TNR: variants seen among roughly 807,000 people sequenced by gnomAD.
TNR encodes the protein tenascin-R.
TNR carries 45 observed loss-of-function variants against 150.4 expected under a neutral mutation model. That is an observed-to-expected ratio of 0.30 (90% CI 0.24 to 0.38). The LOEUF is 0.38. Ranked by LOEUF, TNR falls within the 10% of genes least tolerant of loss-of-function variation. The pLI is 1.00. For synonymous variants in TNR, 687 were observed against 678.4 expected (o/e 1.01, Z -0.20); for missense variants, 1,544 against 1,759.1 (o/e 0.88, Z 2.19).
At chr1:175,540,605 C>A (rs1487855419) in intron 1 of TNR, among the ~76,000 whole-genome samples, 1 of 152,174 alleles carries the variant, frequency 6.6e-6, no homozygotes, top group Admixed American at 6.5e-5. Context: ...CCCAGCTCAT[C>A]TTTGAAAGAG....
chr1:175,555,010 A>T (rs7538872), intron 1 of TNR, among the ~76,000 whole-genome samples: 77,554 of 151,988 alleles, frequency 0.51, 20,198 homozygotes, highest in East Asian at 0.67. Context: ...TTTATCCTCC[A>T]TGTGATGATT....
chr1:175,713,777 G>A (rs868193906), intron 1 of TNR, among the ~76,000 whole-genome samples: 7 of 152,180 alleles, frequency 4.6e-5, no homozygotes, highest in Admixed American at 2.6e-4. Context: ...ATGAGAGAAG[G>A]AGGAGAGAGC....
chr1:175,493,094 G>A (rs1223082609), intron 2 of TNR, among the ~76,000 whole-genome samples: 3 of 152,044 alleles, frequency 2.0e-5, no homozygotes. Context: ...GAAGGCAGGT[G>A]TCATTTCCTC....
At chr1:175,739,869 G>A (rs1667876711) in intron 1 of TNR, among the ~76,000 whole-genome samples, 1 of 152,120 alleles carries the variant, frequency 6.6e-6, no homozygotes, top group Non-Finnish European at 1.5e-5. Context: ...GCCCAGATGG[G>A]GAGACATGAC....
At chr1:175,674,183 T>C (rs555813745) in intron 1 of TNR, among the ~76,000 whole-genome samples, 1 of 151,474 alleles carries the variant, frequency 6.6e-6, no homozygotes, top group Non-Finnish European at 1.5e-5. Flanking sequence ...AAGGGAGGAG[T>C]CCTACCTGGG....
At chr1:175,662,275 C>T (rs1175347673) in intron 1 of TNR, among the ~76,000 whole-genome samples, 1 of 152,192 alleles carries the variant, frequency 6.6e-6, no homozygotes, top group Non-Finnish European at 1.5e-5. Context: ...TGTCTTGTTT[C>T]CTTCCTCCTG....
intron 1 of TNR, among the ~76,000 whole-genome samples, chr1:175,544,907 GACACTAT>G (rs1660628951): frequency 2.0e-5 from 3 of 152,336 alleles, no homozygotes; most frequent in Non-Finnish European, 4.4e-5. Context: ...AAAGGTGATA[GACACTAT>G]ACCCAAGCAG....
intron 1 of TNR, among the ~76,000 whole-genome samples, chr1:175,545,172 C>T (rs867876444): frequency 6.6e-6 from 1 of 152,064 alleles, no homozygotes; most frequent in Non-Finnish European, 1.5e-5. Context: ...AAGAATAATG[C>T]CTCAGAAAAG....
At chr1:175,331,082 T>TTTCTTTCC (rs1491352641) in intron 20 of TNR, among the ~76,000 whole-genome samples, 11,030 of 86,054 alleles carry the variant, frequency 0.13, 1,265 homozygotes, top group African/African-American at 0.15. Context: ...TCTTTCCTTC[T>TTTCTTTCC]TTCTTTCTTT....
chr1:175,479,730 T>C (rs146609488), intron 2 of TNR, among the ~76,000 whole-genome samples: 16 of 152,224 alleles, frequency 1.1e-4, no homozygotes, highest in Non-Finnish European at 2.4e-4. Context: ...CTCAATCTGA[T>C]ATGTGGGCTT....
chr1:175,514,944 T>C (rs1295677075), intron 2 of TNR, among the ~76,000 whole-genome samples: 1 of 152,086 alleles, frequency 6.6e-6, no homozygotes, highest in Non-Finnish European at 1.5e-5. Flanking sequence ...ATCTCGTCCA[T>C]GCTACCCAGT....
intron 9 of TNR, among the ~76,000 whole-genome samples, chr1:175,375,741 G>A (rs1475222954): frequency 1.3e-5 from 2 of 152,158 alleles, no homozygotes; most frequent in African/African-American, 4.8e-5. Flanking sequence ...AAGGGGGCCT[G>A]ACCTTGTGCC....
At chr1:175,482,629 C>T (rs1657857766) in intron 2 of TNR, among the ~76,000 whole-genome samples, 1 of 152,130 alleles carries the variant, frequency 6.6e-6, no homozygotes, top group Admixed American at 6.5e-5. Context: ...AGAAGACGCC[C>T]TAAGAAGGTG....
chr1:175,333,576 T>A (rs1303424804), intron 20 of TNR: 3 of 152,252 alleles, frequency 2.0e-5, no homozygotes, highest in Non-Finnish European at 4.4e-5. Flanking sequence ...TTCCATTAAT[T>A]CTTATCATTG....
At chr1:175,448,427 G>T (rs113306618) in intron 2 of TNR, among the ~76,000 whole-genome samples, 52 of 152,184 alleles carry the variant, frequency 3.4e-4, no homozygotes, top group African/African-American at 1.3e-3. Flanking sequence ...AGCCAGGATG[G>T]TCTCGATCTC....
chr1:175,619,010 T>A (rs778875413), intron 1 of TNR, among the ~76,000 whole-genome samples: 6 of 152,014 alleles, frequency 3.9e-5, no homozygotes, highest in Non-Finnish European at 7.4e-5. Context: ...CCCAGGTGGG[T>A]GAAGGGCTGG....
intron 1 of TNR, among the ~76,000 whole-genome samples, chr1:175,631,164 A>G (rs1425884114): frequency 6.6e-6 from 1 of 152,208 alleles, no homozygotes; most frequent in Non-Finnish European, 1.5e-5. Context: ...ATACAGAAAT[A>G]TATATGTGTG....
At position 175,365,268 on chromosome 1, in the gene TNR, T is replaced by C. The variant is rs372179881; in HGVS notation, c.2329A>G (p.Ile777Val). The stretch of plus-strand genomic sequence containing the variant: ...ACATGAGAAAAGTGCAGATGAGAGA[T>C]GGGACGGAAGCCTGCAAAGCAAAGG... ...TVDAFTGFRP[I>V]SHLHFSHVTS... is the part of the protein sequence containing the mutation. The change falls in exon 12 of 23, where the codon ATC becomes GTC. Residue 777 changes from isoleucine (I) to valine (V), a missense_variant. By Grantham distance (29) the Ile-to-Val change is conservative (BLOSUM62 3). This residue lies in a region of TNR where 1,254 missense variants were observed against 1,329.4 expected (regional missense o/e 0.94). Transcript: ENST00000367674. 6 of 1,607,568 alleles carry C rather than the reference T, an allele frequency of 3.7e-6. No individual in the cohort carries two copies. In the African/African-American group the frequency reaches 4.0e-5, roughly 11 times the overall value.
At chr1:175,547,173 T>C (rs1480563563) in intron 1 of TNR, among the ~76,000 whole-genome samples, 1 of 152,226 alleles carries the variant, frequency 6.6e-6, no homozygotes, top group Non-Finnish European at 1.5e-5. Flanking sequence ...GCGTAGCAGA[T>C]TCCTGACCCA....
Sources: gnomAD v4.1 joint callset for allele counts (sites outside exome capture counted in the v4.1 genomes callset) on GRCh38, gnomAD v4.1.1 for gene constraint, gnomAD v4.1.1 regional missense constraint, MANE v1.5 for transcripts, NCBI Gene and HGNC (gene_info 2026-07-23, HGNC 2026-07-21) for gene names.